CAMK1D: variants seen among roughly 807,000 people sequenced by gnomAD.
CAMK1D encodes calcium/calmodulin-dependent protein kinase type 1D.
In CAMK1D, 9 loss-of-function variants were observed where a neutral mutation model predicts 47.7. The observed-to-expected ratio is 0.19, with a 90% CI of 0.11 to 0.33. The LOEUF is 0.33. CAMK1D is among the 10% of genes least tolerant of loss of function. The pLI is 1.00. For missense variants in CAMK1D, 291 were observed against 488.7 expected, an observed-to-expected ratio of 0.60 and a Z score of 3.81; for synonymous variants, 184 against 184.9, an observed-to-expected ratio of 0.99 and a Z score of 0.04.
chr10:12,436,924 A>G (rs1314035927), intron 1 of CAMK1D, among the ~76,000 whole-genome samples: 1 of 152,320 alleles, frequency 6.6e-6, no homozygotes, highest in East Asian at 1.9e-4. Context: ...TCACAGCGAA[A>G]GGACTTCGAG....
At chr10:12,702,536 G>T (rs1304594592) in intron 3 of CAMK1D, among the ~76,000 whole-genome samples, 1 of 152,214 alleles carries the variant, frequency 6.6e-6, no homozygotes, top group Middle Eastern at 3.2e-3. Flanking sequence ...AGGAATAACA[G>T]TAGCTAACTT....
At chr10:12,739,194 G>C (rs747260084) in intron 3 of CAMK1D, among the ~76,000 whole-genome samples, 1 of 151,250 alleles carries the variant, frequency 6.6e-6, no homozygotes, top group South Asian at 2.1e-4. Context: ...CCATGATTGC[G>C]CCCCTGCACT....
intron 3 of CAMK1D, among the ~76,000 whole-genome samples, chr10:12,667,494 C>T (rs982635822): frequency 6.6e-6 from 1 of 152,178 alleles, no homozygotes; most frequent in African/African-American, 2.4e-5. Context: ...GCCTCCCTGC[C>T]TGCATAAATG....
rs78397832 is a variant in CAMK1D, at chr10:12,738,075, T to C, written c.300-22873T>C. The stretch of plus-strand genomic sequence containing the variant: ...GACTCTTCCTCAAGACAATAAATAG[T>C]GAAGGAATGTGTGGAGAAATCTAAT... On this transcript the variant is annotated intron_variant, in intron 3 of 10. Coordinates refer to ENST00000619168, the MANE Select transcript of CAMK1D (RefSeq NM_153498.4). Among the ~76,000 whole-genome samples, 688 of 152,212 alleles carry C rather than the reference T, an allele frequency of 4.5e-3. 6 individuals carry two copies. The highest frequency in any genetic ancestry group is 0.015 in the African/African-American group (619 of 41,536).
At chr10:12,381,221 C>G (rs1223914685) in intron 1 of CAMK1D, among the ~76,000 whole-genome samples, 2 of 152,216 alleles carry the variant, frequency 1.3e-5, no homozygotes, top group African/African-American at 4.8e-5. Context: ...AGAATGAATG[C>G]CGTTCCCTTC....
chr10:12,434,460 G>T (rs555946992), intron 1 of CAMK1D, among the ~76,000 whole-genome samples: 58 of 152,274 alleles, frequency 3.8e-4, no homozygotes, highest in African/African-American at 1.3e-3. Context: ...CCAGGAACGG[G>T]GCTGGATCTA....
intron 3 of CAMK1D, among the ~76,000 whole-genome samples, chr10:12,745,498 A>G (rs549916969): frequency 6.6e-6 from 1 of 152,380 alleles, no homozygotes; most frequent in South Asian, 2.1e-4. Context: ...TGAAGAAAGC[A>G]TCTCTATCTA....
At chr10:12,760,085 C>T (rs1327485948) in intron 3 of CAMK1D, among the ~76,000 whole-genome samples, 1 of 151,984 alleles carries the variant, frequency 6.6e-6, no homozygotes, top group African/African-American at 2.4e-5. Context: ...ATTTGGAGAA[C>T]ACTAGTTGAG....
intron 1 of CAMK1D, among the ~76,000 whole-genome samples, chr10:12,437,113 A>ATT (rs5783267): frequency 5.3e-5 from 8 of 150,954 alleles, no homozygotes; most frequent in African/African-American, 9.7e-5. Context: ...CAGCAGCCAG[A>ATT]TTTTTTTTTC....
chr10:12,412,399 C>T (rs1196984975), intron 1 of CAMK1D, among the ~76,000 whole-genome samples: 2 of 143,438 alleles, frequency 1.4e-5, no homozygotes, highest in Non-Finnish European at 3.0e-5. Context: ...CACCTGAGAT[C>T]AGGAGTTCGA....
At chr10:12,463,290 A>T (rs2815610) in intron 1 of CAMK1D, among the ~76,000 whole-genome samples, 1 of 151,746 alleles carries the variant, frequency 6.6e-6, no homozygotes, top group East Asian at 1.9e-4. Context: ...GGCGCACACC[A>T]CCACACCTGG....
Position 12,520,048 on chromosome 10 carries a change from C to T in CAMK1D, c.93-33177C>T, listed in dbSNP as rs1486837917. ...GGAGCCCCTCACCTCCCGGACGGGG[C>T]GGCTGGCCGGGTGGGGGGCTGACCC... On this transcript the variant is annotated intron_variant, in intron 1 of 10. Coordinates refer to ENST00000619168, the MANE Select transcript of CAMK1D (RefSeq NM_153498.4). Among the ~76,000 whole-genome samples, 11 of 74,310 alleles carry T rather than the reference C, an allele frequency of 1.5e-4. 3 individuals are homozygous for T. The highest frequency in any genetic ancestry group is 5.5e-4 in the African/African-American group (10 of 18,290). 48.8% of individuals were successfully genotyped at this position (74,310 alleles called of 152,430 possible).
rs908793385 is a variant in CAMK1D, at chr10:12,834,002, G to C, written c.*5115G>C. ...GGGCACCTGGTCCTCGGTTGGGGCT[G>C]CAGGTGTGCCTGACATTTGCAAAAG... On this transcript the variant is annotated 3_prime_UTR_variant, in exon 11 of 11. Transcript: ENST00000619168. 2 of 151,886 alleles carry C rather than the reference G, an allele frequency of 1.3e-5. No individual in the cohort carries two copies. The highest frequency in any genetic ancestry group is 4.8e-5 in the African/African-American group (2 of 41,326). 9.4% of individuals were successfully genotyped at this position (151,886 alleles called of 1,614,324 possible).
chr10:12,350,662 AT>A (rs1837327348), intron 1 of CAMK1D, among the ~76,000 whole-genome samples: 1 of 152,220 alleles, frequency 6.6e-6, no homozygotes, highest in Non-Finnish European at 1.5e-5. Flanking sequence ...CGCTCCAAGC[AT>A]GTGCTGCTCA....
rs180810245 is a variant in CAMK1D, at chr10:12,426,557, T to G, written c.92+76647T>G. 4.3e-3 allele frequency among the ~76,000 whole-genome samples: 655 copies of G among 152,174 alleles called. 6 individuals carry two copies. Among genetic ancestry groups the G allele is most frequent in the Non-Finnish European group, 5.9e-3 (399 of 67,988 alleles). On this transcript the variant is annotated intron_variant, in intron 1 of 10. Coordinates refer to ENST00000619168, the MANE Select transcript of CAMK1D (RefSeq NM_153498.4). ...ACCATGCCCAGCTGGGAATTTTTTCTTTTTGAGACAGGATCTTACTCTGTC... is the reference window on the plus strand; with the variant it reads ...ACCATGCCCAGCTGGGAATTTTTTCGTTTTGAGACAGGATCTTACTCTGTC...
At chr10:12,382,617 G>A (rs1046602413) in intron 1 of CAMK1D, among the ~76,000 whole-genome samples, 1 of 152,144 alleles carries the variant, frequency 6.6e-6, no homozygotes, top group African/African-American at 2.4e-5. Context: ...CTGAGGTCAG[G>A]AGTTCCAGAC....
At chr10:12,406,176 A>G (rs988558224) in intron 1 of CAMK1D, among the ~76,000 whole-genome samples, 4 of 152,138 alleles carry the variant, frequency 2.6e-5, no homozygotes, top group Non-Finnish European at 5.9e-5. Context: ...TTCCTTGCTC[A>G]GGTTTGTGCT....
At chr10:12,607,708 C>G (rs1366011622) in intron 2 of CAMK1D, among the ~76,000 whole-genome samples, 1 of 152,202 alleles carries the variant, frequency 6.6e-6, no homozygotes, top group Non-Finnish European at 1.5e-5. Flanking sequence ...CACTTGTAAT[C>G]CCAGCACTCT....
intron 5 of CAMK1D, among the ~76,000 whole-genome samples, chr10:12,785,343 C>T (rs373984384): frequency 2.6e-5 from 4 of 152,296 alleles, no homozygotes; most frequent in Admixed American, 6.5e-5. Flanking sequence ...AGCCATGGAG[C>T]CTTTCAGTGA....
Sources: gnomAD v4.1 joint callset for allele counts (sites outside exome capture counted in the v4.1 genomes callset) on GRCh38, gnomAD v4.1.1 for gene constraint, MANE v1.5 for transcripts, NCBI Gene and HGNC (gene_info 2026-07-23, HGNC 2026-07-21) for gene names.